The following LPP variants were observed in gnomAD, a reference collection of about 807,000 sequenced individuals.
LPP encodes the protein LIM domain containing preferred translocation partner in lipoma.
A neutral mutation model predicts 60.4 loss-of-function variants in LPP; 38 were observed. The ratio of observed to expected loss-of-function variants is 0.63; its 90% confidence interval spans 0.49 to 0.83. LPP has a LOEUF of 0.83. Among genes scored for constraint, LPP ranks in the 40% least tolerant of loss-of-function variants. The pLI, the probability that LPP is intolerant of heterozygous loss-of-function variation, is 0.00. For synonymous variants in LPP, 328 were observed against 290.8 expected (o/e 1.13, Z -1.30); for missense variants, 902 against 783.6 (o/e 1.15, Z -1.80).
At chr3:188,829,559 T>C (rs559116138) in intron 9 of LPP, among the ~76,000 whole-genome samples, 1 of 152,338 alleles carries the variant, frequency 6.6e-6, no homozygotes, top group Non-Finnish European at 1.5e-5. Context: ...AGAGTCACTG[T>C]GTGAGGTACA....
chr3:188,496,007 A>G (rs1200652987), intron 5 of LPP, among the ~76,000 whole-genome samples: 1 of 152,218 alleles, frequency 6.6e-6, no homozygotes, highest in Non-Finnish European at 1.5e-5. Context: ...AAAATATATT[A>G]TAGCATGGGG....
intron 2 of LPP, among the ~76,000 whole-genome samples, chr3:188,280,933 A>ATTT (rs71298542): frequency 7.1e-6 from 1 of 141,356 alleles, no homozygotes; most frequent in African/African-American, 2.6e-5. Context: ...CGACAAAGGA[A>ATTT]TTTTTTTTTT....
intron 2 of LPP, among the ~76,000 whole-genome samples, chr3:188,283,571 T>G (rs952671716): frequency 6.6e-6 from 1 of 152,182 alleles, no homozygotes; most frequent in Non-Finnish European, 1.5e-5. Flanking sequence ...TGCTGACTAC[T>G]GCTTCTAGTG....
intron 9 of LPP, among the ~76,000 whole-genome samples, chr3:188,783,558 G>A (rs1033093790): frequency 2.2e-5 from 2 of 89,484 alleles, no homozygotes; most frequent in African/African-American, 8.5e-5. Context: ...CTACTTGAGG[G>A]TGGAGGGGGA....
At chr3:188,592,563 T>TTTTTTTTTTTTTGTTTTTGG in intron 6 of LPP, among the ~76,000 whole-genome samples, 1 of 77,226 alleles carries the variant, frequency 1.3e-5, no homozygotes, top group Non-Finnish European at 2.8e-5. Context: ...TTTTGTTTTT[T>TTTTTTTTTTTTTGTTTTTGG]AAATGGAGTC....
chr3:188,567,031 A>G (rs1447499406), intron 6 of LPP, among the ~76,000 whole-genome samples: 1 of 151,934 alleles, frequency 6.6e-6, no homozygotes, highest in Non-Finnish European at 1.5e-5. Flanking sequence ...TAAAATTGCT[A>G]TCTTTCTACT....
intron 1 of LPP, among the ~76,000 whole-genome samples, chr3:188,169,404 A>C (rs9816875): frequency 6.6e-6 from 1 of 152,038 alleles, no homozygotes; most frequent in Non-Finnish European, 1.5e-5. Flanking sequence ...CCCTGCTCTT[A>C]AAGAGGACAC....
intron 2 of LPP, among the ~76,000 whole-genome samples, chr3:188,248,234 G>A (rs1396169050): frequency 1.3e-5 from 2 of 151,852 alleles, no homozygotes; most frequent in African/African-American, 4.9e-5. Context: ...AAGCCTTGAA[G>A]TAAATGTTGG....
chr3:188,863,550 T>C (rs958311771), intron 9 of LPP, among the ~76,000 whole-genome samples: 2 of 152,076 alleles, frequency 1.3e-5, no homozygotes, highest in Non-Finnish European at 2.9e-5. Context: ...GAGTTTTTCC[T>C]TTCTCGAAGG....
intron 7 of LPP, among the ~76,000 whole-genome samples, chr3:188,658,157 T>TTTAGTTTAGTTTAGTTTAGTTTAG (rs1560021720): frequency 1.3e-5 from 2 of 152,086 alleles, no homozygotes; most frequent in Non-Finnish European, 2.9e-5. Context: ...TTTAGTTTAG[T>TTTAGTTTAGTTTAGTTTAGTTTAG]TTTAACGACA....
chr3:188,737,026 G>T (rs1722763730), intron 8 of LPP, among the ~76,000 whole-genome samples: 1 of 151,720 alleles, frequency 6.6e-6, no homozygotes, highest in Non-Finnish European at 1.5e-5. Context: ...TAAAAAAATG[G>T]GTAGAATTTC....
intron 8 of LPP, among the ~76,000 whole-genome samples, chr3:188,749,172 G>A (rs1482118462): frequency 6.6e-6 from 1 of 152,198 alleles, no homozygotes; most frequent in Non-Finnish European, 1.5e-5. Flanking sequence ...CTGTTAGGTA[G>A]AAGGAGAAAT....
chr3:188,505,239 A>G (rs563325273), intron 5 of LPP, among the ~76,000 whole-genome samples: 1 of 152,266 alleles, frequency 6.6e-6, no homozygotes, highest in African/African-American at 2.4e-5. Flanking sequence ...CTGCTTTGCC[A>G]TATTCTCAGA....
At chr3:188,830,473 GCACGT>G (rs2151582285) in intron 9 of LPP, among the ~76,000 whole-genome samples, 1 of 152,062 alleles carries the variant, frequency 6.6e-6, no homozygotes, top group East Asian at 1.9e-4. Context: ...AGGTGTGGTG[GCACGT>G]GACTGTAGTC....
At chr3:188,630,089 G>A (rs1053014614) in intron 7 of LPP, among the ~76,000 whole-genome samples, 3 of 152,070 alleles carry the variant, frequency 2.0e-5, no homozygotes, top group South Asian at 2.1e-4. Flanking sequence ...TGAGGTCTCC[G>A]AAAGCAATTG....
At position 188,167,182 on chromosome 3, in the gene LPP, G is replaced by C. The variant is rs527322087; in HGVS notation, c.-190+12930G>C. 7.6e-4 allele frequency among the ~76,000 whole-genome samples: 116 copies of C among 152,138 alleles called. 2 individuals carry two copies. The highest frequency in any genetic ancestry group is 2.1e-4 in the Non-Finnish European group (14 of 68,038). ...ACATGATTGTGGAAGGTATTCTATG[G>C]TCAGTGTAGTAAAGCCTCAAAGCCT... On this transcript the variant is annotated intron_variant, in intron 1 of 11. Coordinates refer to ENST00000617246, the MANE Select transcript of LPP (RefSeq NM_001375462.1).
chr3:188,763,097 G>T (rs982379256), intron 9 of LPP, among the ~76,000 whole-genome samples: 1 of 152,244 alleles, frequency 6.6e-6, no homozygotes, highest in South Asian at 2.1e-4. Flanking sequence ...AGAACTATGC[G>T]TCTCTCTTGG....
intron 3 of LPP, among the ~76,000 whole-genome samples, chr3:188,364,444 T>C (rs1410077794): frequency 1.3e-5 from 2 of 152,342 alleles, no homozygotes; most frequent in Non-Finnish European, 2.9e-5. Flanking sequence ...TCTACACTTA[T>C]GGGGTTTCCT....
chr3:188,353,758 C>A lies in LPP; in HGVS notation c.-10+12039C>A, dbSNP rs147056857. ...AAATGCTGTTATGCTTTGGGTAACA[C>A]TTTAGCTGATTTGTTTTCAGTAAAG... On this transcript the variant is annotated intron_variant, in intron 3 of 11. Coordinates refer to ENST00000617246, the MANE Select transcript of LPP (RefSeq NM_001375462.1). Among the ~76,000 whole-genome samples the A allele has an allele frequency of 4.0e-3, 612 of 152,296 alleles. 3 individuals are homozygous for A. Among genetic ancestry groups the A allele is most frequent in the African/African-American group, 0.014 (580 of 41,566 alleles).
Sources: allele counts gnomAD v4.1 joint callset (sites outside exome capture counted in the v4.1 genomes callset), GRCh38; gene constraint gnomAD v4.1.1; transcripts MANE v1.5; gene names NCBI Gene and HGNC (gene_info 2026-07-23, HGNC 2026-07-21).